The following FHOD3 variants were observed in gnomAD, a reference collection of about 807,000 sequenced individuals.
The protein encoded by FHOD3 is FH1/FH2 domain-containing protein 3.
Under a neutral mutation model 173.0 loss-of-function variants are expected in FHOD3, and 90 were observed. The ratio of observed to expected loss-of-function variants is 0.52; its 90% CI spans 0.44 to 0.62. FHOD3 has a LOEUF of 0.62. FHOD3 is among the 20% of genes least tolerant of loss of function. The pLI, the probability that FHOD3 is intolerant of heterozygous loss-of-function variation, is 0.00. For missense variants in FHOD3, 1,945 were observed against 2,034.7 expected, an observed-to-expected ratio of 0.96 and a Z score of 0.85; for synonymous variants, 828 against 823.0, an observed-to-expected ratio of 1.01 and a Z score of -0.10.
rs891667846 is a variant in FHOD3 at position 36,692,084 on chromosome 18, C to T, written c.2022-1125C>T. On this transcript the variant is annotated intron_variant, in intron 16 of 28. Coordinates refer to ENST00000590592, the MANE Select transcript of FHOD3 (RefSeq NM_001281740.3). The stretch of plus-strand genomic sequence containing the variant: ...GGGAGATGTGCATGCAAGTGTGGTC[C>T]GAAGGGTGGACTGCCTTTGGGCTGG... Among the ~76,000 whole-genome samples, 17 of 152,192 alleles carry T rather than the reference C, an allele frequency of 1.1e-4. 1 individual carries two copies. The highest frequency in any genetic ancestry group is 4.1e-4 in the African/African-American group (17 of 41,512).
At chr18:36,773,741 C>T (rs773588424) in intron 28 of FHOD3, among the ~76,000 whole-genome samples, 8 of 152,116 alleles carry the variant, frequency 5.3e-5, no homozygotes, top group South Asian at 4.1e-4. Context: ...GTGCACATCC[C>T]GACCCAACTG....
intron 1 of FHOD3, among the ~76,000 whole-genome samples, chr18:36,351,903 A>G (rs2046144098): frequency 6.6e-6 from 1 of 152,224 alleles, no homozygotes; most frequent in Admixed American, 6.5e-5. Flanking sequence ...ACCTCCTTCC[A>G]GTCTAAGAAG....
chr18:36,325,589 G>C (rs574628401), intron 1 of FHOD3, among the ~76,000 whole-genome samples: 2 of 152,286 alleles, frequency 1.3e-5, no homozygotes, highest in Admixed American at 6.5e-5. Flanking sequence ...AGATGCACTA[G>C]AGCTCCACCA....
intron 3 of FHOD3, among the ~76,000 whole-genome samples, chr18:36,448,405 A>G (rs1568284449): frequency 6.6e-6 from 1 of 152,158 alleles, no homozygotes; most frequent in East Asian, 1.9e-4. Flanking sequence ...TCACACATTT[A>G]TTTTAACAAT....
chr18:36,644,909 T>TGGAG (rs2035575817), intron 10 of FHOD3, among the ~76,000 whole-genome samples: 1 of 152,130 alleles, frequency 6.6e-6, no homozygotes, highest in Non-Finnish European at 1.5e-5. Context: ...CAAGGAATTT[T>TGGAG]GGAGGGAGGG....
At chr18:36,668,470 T>G (rs1447571737) in intron 14 of FHOD3, among the ~76,000 whole-genome samples, 1 of 152,004 alleles carries the variant, frequency 6.6e-6, no homozygotes, top group Non-Finnish European at 1.5e-5. Flanking sequence ...AAGAACCAGT[T>G]TTTGGTTTCA....
intron 5 of FHOD3, among the ~76,000 whole-genome samples, chr18:36,513,423 C>T (rs931628574): frequency 6.6e-5 from 10 of 152,176 alleles, no homozygotes; most frequent in Non-Finnish European, 1.0e-4. Context: ...GCATGTCAGG[C>T]GGGTCAGGGT....
chr18:36,375,060 A>G (rs1399971429), intron 3 of FHOD3, among the ~76,000 whole-genome samples: 1 of 152,178 alleles, frequency 6.6e-6, no homozygotes, highest in Non-Finnish European at 1.5e-5. Context: ...TTAGCACTAA[A>G]TATTATACTT....
At chr18:36,476,526 G>C (rs1042812654) in intron 3 of FHOD3, among the ~76,000 whole-genome samples, 15 of 152,178 alleles carry the variant, frequency 9.9e-5, no homozygotes, top group African/African-American at 3.6e-4. Context: ...GTGGGTGCAA[G>C]TTCTCTGTCT....
chr18:36,601,323 C>T (rs916866077), intron 7 of FHOD3, among the ~76,000 whole-genome samples: 11 of 152,198 alleles, frequency 7.2e-5, no homozygotes, highest in African/African-American at 9.7e-5. Flanking sequence ...GTGCCTTTTA[C>T]GTCTTGTAGT....
rs117934034 is a variant in FHOD3, at chr18:36,321,894, C to T, written c.165+23894C>T. Among the ~76,000 whole-genome samples, 472 of 152,336 alleles carry T rather than the reference C, an allele frequency of 3.1e-3. 1 individual carries two copies. The highest frequency in any genetic ancestry group is 5.6e-3 in the South Asian group (27 of 4,828). On this transcript the variant is annotated intron_variant, in intron 1 of 28. Transcript: ENST00000590592. ...CATGAGGAGGGCGTGGGGCTGCAGG[C>T]GATGCCCTGTGTTCTCAGATGCCTC...
rs955594141 is a variant in FHOD3 at position 36,297,726 on chromosome 18, C to G, written c.-110C>G. On this transcript the variant is annotated 5_prime_UTR_variant, in exon 1 of 29. Transcript: ENST00000590592. Reference sequence around the variant, plus strand: ...CCCGGCGCGCCTGAGCCTGCGAGTCCGCGAGCCAGCGAGCTGCGGCTGCGG... The same window carrying G: ...CCCGGCGCGCCTGAGCCTGCGAGTCGGCGAGCCAGCGAGCTGCGGCTGCGG... 3.6e-6 allele frequency: 3 copies of G among 841,750 alleles called. No individual in the cohort carries two copies. The highest frequency in any genetic ancestry group is 1.1e-4 in the South Asian group (2 of 18,088). 52.1% of individuals were successfully genotyped at this position (841,750 alleles called of 1,614,324 possible).
At chr18:36,519,560 G>A (rs921573451) in intron 5 of FHOD3, among the ~76,000 whole-genome samples, 1 of 152,216 alleles carries the variant, frequency 6.6e-6, no homozygotes, top group East Asian at 1.9e-4. Context: ...GCTGTGGTCT[G>A]TGGCCTGATG....
Position 36,779,635 on chromosome 18 carries a change from T to A in FHOD3, c.*105T>A. On this transcript the variant is annotated 3_prime_UTR_variant, in exon 29 of 29. Coordinates refer to ENST00000590592, the MANE Select transcript of FHOD3 (RefSeq NM_001281740.3). ...GAGACTTGATATTCACATCCAACAG[T>A]TTGAAAAGGGAGAGCTCAATTCCCA... 1 of 971,354 alleles carries A rather than the reference T, an allele frequency of 1.0e-6. No homozygotes were observed. Among genetic ancestry groups the A allele is most frequent in the Non-Finnish European group, 1.6e-6 (1 of 622,058 alleles). 60.2% of individuals were successfully genotyped at this position (971,354 alleles called of 1,614,324 possible).
chr18:36,375,579 T>A (rs890869286), intron 3 of FHOD3, among the ~76,000 whole-genome samples: 3 of 152,250 alleles, frequency 2.0e-5, no homozygotes, highest in Non-Finnish European at 4.4e-5. Flanking sequence ...GACTGCATGT[T>A]AATGAGTTGG....
At chr18:36,569,885 ACAC>A (rs2058394658) in intron 5 of FHOD3, among the ~76,000 whole-genome samples, 1 of 152,114 alleles carries the variant, frequency 6.6e-6, no homozygotes, top group South Asian at 2.1e-4. Flanking sequence ...TGAAAATACA[ACAC>A]ATCAGATTTG....
intron 6 of FHOD3, among the ~76,000 whole-genome samples, chr18:36,594,253 A>C (rs1253628945): frequency 3.3e-5 from 5 of 151,930 alleles, no homozygotes; most frequent in African/African-American, 4.8e-5. Flanking sequence ...GGATCCAGGG[A>C]GTAGGGGTTC....
chr18:36,654,037 G>A (rs893159609), intron 13 of FHOD3, among the ~76,000 whole-genome samples: 3 of 151,158 alleles, frequency 2.0e-5, no homozygotes, highest in East Asian at 2.0e-4. Context: ...TTCCTAACCC[G>A]TACGTGGTGC....
chr18:36,357,071 T>C (rs1269852517), intron 2 of FHOD3, among the ~76,000 whole-genome samples: 2 of 152,220 alleles, frequency 1.3e-5, no homozygotes, highest in African/African-American at 4.8e-5. Flanking sequence ...CAAAAGTTGT[T>C]TGAAACCACT....
Sources: allele counts gnomAD v4.1 joint callset (sites outside exome capture counted in the v4.1 genomes callset), GRCh38; gene constraint gnomAD v4.1.1; transcripts MANE v1.5; gene names NCBI Gene and HGNC (gene_info 2026-07-23, HGNC 2026-07-21).